The following CEP128 variants were observed in gnomAD, a reference collection of about 807,000 sequenced individuals.
CEP128 encodes centrosomal protein 128.
Under a neutral mutation model 156.7 loss-of-function variants are expected in CEP128, and 132 were observed. That is an observed-to-expected ratio of 0.84 (90% CI 0.73 to 0.97). The LOEUF is 0.97. Ranked by LOEUF, CEP128 falls within the 50% of genes least tolerant of loss-of-function variation. CEP128 has a pLI of 0.00. For missense variants in CEP128, 1,252 were observed against 1,281.9 expected (o/e 0.98, Z 0.36); for synonymous variants, 469 against 448.9 (o/e 1.04, Z -0.57).
intron 20 of CEP128, among the ~76,000 whole-genome samples, chr14:80,572,434 A>T (rs1284031154): frequency 6.6e-6 from 1 of 152,200 alleles, no homozygotes; most frequent in Non-Finnish European, 1.5e-5. Flanking sequence ...TGCTTTTCAC[A>T]ATTCTCATTG....
At chr14:80,622,331 GT>G (rs1280048217) in intron 19 of CEP128, among the ~76,000 whole-genome samples, 2 of 151,732 alleles carry the variant, frequency 1.3e-5, no homozygotes, top group Non-Finnish European at 2.9e-5. Flanking sequence ...AGACTTAAAC[GT>G]TAGACCTAAA....
intron 21 of CEP128, chr14:80,531,103 G>T (rs1889205440): frequency 3.8e-6 from 1 of 261,684 alleles, no homozygotes; most frequent in Non-Finnish European, 7.2e-6. Context: ...AGATGCATTT[G>T]CAAGACTGAC....
chr14:80,697,897 G>A (rs202122478), intron 19 of CEP128, among the ~76,000 whole-genome samples: 1 of 151,758 alleles, frequency 6.6e-6, no homozygotes, highest in East Asian at 1.9e-4. Flanking sequence ...GTGTGTATAT[G>A]CACACATATA....
Position 80,900,103 on chromosome 14 carries a change from A to C in CEP128, c.481-74T>G, listed in dbSNP as rs1883458926. ...TCCATGAAGATTCACCAAAGGTAAG[A>C]ATAAGATCTTGTTCCTTGCAATAAT... On this transcript the variant is annotated intron_variant, in intron 6 of 24. Transcript: ENST00000555265. 17 of 954,330 alleles carry C rather than the reference A, an allele frequency of 1.8e-5. No individual in the cohort carries two copies. The South Asian group carries it at 2.3e-4, about 13-fold the overall frequency. 59.1% of individuals were successfully genotyped at this position (954,330 alleles called of 1,614,324 possible). A position where few individuals can be genotyped will look rare whatever the true frequency, so the allele number is the denominator to read the frequency against.
At chr14:80,805,806 C>T (rs1052077634) in intron 13 of CEP128, among the ~76,000 whole-genome samples, 25 of 152,130 alleles carry the variant, frequency 1.6e-4, no homozygotes, top group Non-Finnish European at 3.4e-4. Context: ...AGTCTGGGAG[C>T]CCTGAACTAT....
intron 20 of CEP128, among the ~76,000 whole-genome samples, chr14:80,569,636 A>G (rs1184789315): frequency 6.6e-6 from 1 of 152,186 alleles, no homozygotes; most frequent in Admixed American, 6.5e-5. Flanking sequence ...GAAAAATTCA[A>G]AAAAATATTC....
At chr14:80,667,782 C>G (rs190296890) in intron 19 of CEP128, among the ~76,000 whole-genome samples, 1,673 of 145,242 alleles carry the variant, frequency 0.012, 23 homozygotes, top group Non-Finnish European at 0.014. Context: ...GGCATGAACC[C>G]GGGAGGCAGA....
chr14:80,880,832 C>G (rs867897191), intron 8 of CEP128, among the ~76,000 whole-genome samples: 1 of 148,132 alleles, frequency 6.8e-6, no homozygotes. Flanking sequence ...CACTGCACTC[C>G]AGCCTGGGCG....
At chr14:80,905,768 ACAATAT>A in intron 5 of CEP128, 181 bp downstream of exon 5, 4 of 519,882 alleles carry the variant, frequency 7.7e-6, no homozygotes, top group Admixed American at 4.0e-5. Context: ...AAAAAAAAAA[ACAATAT>A]AACAACAAAG....
At chr14:80,870,925 A>G (rs1240805534) in intron 8 of CEP128, among the ~76,000 whole-genome samples, 1 of 151,996 alleles carries the variant, frequency 6.6e-6, no homozygotes, top group Non-Finnish European at 1.5e-5. Flanking sequence ...TTAAACATAC[A>G]AGAATCAGCA....
At chr14:80,817,462 A>C (rs1280878871) in intron 13 of CEP128, among the ~76,000 whole-genome samples, 1 of 152,238 alleles carries the variant, frequency 6.6e-6, no homozygotes, top group Non-Finnish European at 1.5e-5. Flanking sequence ...TGTTCAAAAA[A>C]CTAAAGAAAA....
intron 19 of CEP128, among the ~76,000 whole-genome samples, chr14:80,665,823 T>C (rs1895590062): frequency 6.6e-6 from 1 of 151,530 alleles, no homozygotes; most frequent in Non-Finnish European, 1.5e-5. Flanking sequence ...AAAATGACAG[T>C]TGTGAAATGA....
intron 19 of CEP128, among the ~76,000 whole-genome samples, chr14:80,594,913 T>G (rs1056766866): frequency 1.2e-4 from 18 of 152,226 alleles, no homozygotes; most frequent in Non-Finnish European, 2.4e-4. Context: ...GAAGACAGTG[T>G]GGCAATTCCT....
At chr14:80,613,428 G>T (rs1253222679) in intron 19 of CEP128, among the ~76,000 whole-genome samples, 1 of 147,206 alleles carries the variant, frequency 6.8e-6, no homozygotes, top group East Asian at 2.1e-4. Flanking sequence ...TCAGCCTCTC[G>T]AGTAATTGGG....
intron 9 of CEP128, among the ~76,000 whole-genome samples, chr14:80,848,481 G>A (rs1343570908): frequency 1.3e-5 from 2 of 152,010 alleles, no homozygotes; most frequent in Non-Finnish European, 2.9e-5. Flanking sequence ...TCAACATGAC[G>A]AAACTCCATC....
chr14:80,615,080 T>C (rs1893154552), intron 19 of CEP128, among the ~76,000 whole-genome samples: 1 of 152,214 alleles, frequency 6.6e-6, no homozygotes. Context: ...ATGGTATTGA[T>C]TGGGTTTGGA....
chr14:80,725,019 G>GAT (rs563908140), intron 19 of CEP128, among the ~76,000 whole-genome samples: 7,782 of 138,664 alleles, frequency 0.056, 276 homozygotes, highest in African/African-American at 0.085. Context: ...ATACATATAT[G>GAT]ATATATATAT....
intron 21 of CEP128, among the ~76,000 whole-genome samples, chr14:80,547,277 C>T (rs1026694885): frequency 6.6e-6 from 1 of 152,096 alleles, no homozygotes; most frequent in Non-Finnish European, 1.5e-5. Context: ...ATGTCCATAC[C>T]CTATTTCTTC....
intron 13 of CEP128, among the ~76,000 whole-genome samples, chr14:80,823,064 G>A (rs1398454309): frequency 2.0e-5 from 3 of 152,146 alleles, no homozygotes; most frequent in African/African-American, 4.8e-5. Context: ...ATTCCCTGAC[G>A]TTGACACACA....
Sources: allele counts gnomAD v4.1 joint callset (sites outside exome capture counted in the v4.1 genomes callset), GRCh38; gene constraint gnomAD v4.1.1; transcripts MANE v1.5; gene names NCBI Gene and HGNC (gene_info 2026-07-23, HGNC 2026-07-21).